Variants in TOX2 observed in about 807,000 individuals in gnomAD.
TOX2 encodes granulosa cell HMG box 1.
In TOX2, 15 loss-of-function variants were observed where a neutral mutation model predicts 47.4. The observed-to-expected ratio is 0.32, with a 90% CI of 0.21 to 0.49. TOX2 has a LOEUF of 0.49. Ranked by LOEUF, TOX2 falls within the 20% of genes least tolerant of loss-of-function variation. The pLI is 0.99. For missense variants in TOX2, 622 were observed against 673.1 expected, an observed-to-expected ratio of 0.92 and a Z score of 0.84; for synonymous variants, 290 against 296.6, an observed-to-expected ratio of 0.98 and a Z score of 0.23.
At chr20:43,917,989 A>C (rs142841653) in intron 1 of TOX2, among the ~76,000 whole-genome samples, 46 of 152,264 alleles carry the variant, frequency 3.0e-4, no homozygotes, top group African/African-American at 1.1e-3. Context: ...GTCACAGAGG[A>C]GTGTAACTCA....
chr20:44,022,811 T>C (rs56690466), intron 3 of TOX2, among the ~76,000 whole-genome samples: 2,289 of 152,248 alleles, frequency 0.015, 62 homozygotes, highest in African/African-American at 0.052. Flanking sequence ...AGAAATTAGC[T>C]TAGTGACCCC....
rs1226219512 is a variant in TOX2, at chr20:44,044,910, T to TA, written c.412-6395dup. ...GGATAAGCAAAATGTAGTCTATACA[T>TA]ACAAGGGTGTATTGCTCAGCCTTAA... On this transcript the variant is annotated intron_variant, in intron 3 of 8. Transcript: ENST00000341197. Among the ~76,000 whole-genome samples the TA allele has an allele frequency of 3.9e-4, 59 of 152,306 alleles. 1 individual carries two copies. The highest frequency in any genetic ancestry group is 3.8e-3 in the Admixed American group (58 of 15,300).
intron 1 of TOX2, among the ~76,000 whole-genome samples, chr20:43,960,049 G>A (rs1166721630): frequency 2.0e-5 from 3 of 152,138 alleles, no homozygotes; most frequent in African/African-American, 7.2e-5. Context: ...CTCGACCTCA[G>A]TCTCCTTTTC....
chr20:44,026,249 A>AT, intron 3 of TOX2, among the ~76,000 whole-genome samples: 1 of 64,804 alleles, frequency 1.5e-5, no homozygotes, highest in Non-Finnish European at 3.2e-5. Flanking sequence ...ATATATATAT[A>AT]GACACACACA....
At chr20:44,053,591 TACAC>T (rs1226282082) in intron 4 of TOX2, among the ~76,000 whole-genome samples, 1 of 116,540 alleles carries the variant, frequency 8.6e-6, no homozygotes, top group Non-Finnish European at 1.7e-5. Flanking sequence ...ATACTATATA[TACAC>T]ACACATATAT....
rs2069061132 is a variant in TOX2 at position 43,916,936 on chromosome 20, T to G, written c.99+1946T>G. Among the ~76,000 whole-genome samples the G allele has an allele frequency of 6.6e-6, 1 of 152,162 alleles. No homozygotes were observed. Among genetic ancestry groups the G allele is most frequent in the African/African-American group, 2.4e-5 (1 of 41,436 alleles). On this transcript the variant is annotated intron_variant, in intron 1 of 8. Coordinates refer to ENST00000341197, the MANE Select transcript of TOX2 (RefSeq NM_001098797.2). The surrounding 1 kb of genome is among the most constrained non-coding windows in gnomAD (Gnocchi z 5.0). Reference sequence around the variant, plus strand: ...AAACCTCTGACTCAGCACCAGAACCTGTGCGAATCTCGCCGGGAAGGGCCC... The same window carrying G: ...AAACCTCTGACTCAGCACCAGAACCGGTGCGAATCTCGCCGGGAAGGGCCC...
chr20:43,925,404 C>T lies in TOX2; in HGVS notation c.99+10414C>T, dbSNP rs148274592. On this transcript the variant is annotated intron_variant, in intron 1 of 8. Coordinates refer to ENST00000341197, the MANE Select transcript of TOX2 (RefSeq NM_001098797.2). ...TCTATTGCGGTGTGGGATGAGCCTA[C>T]GAAGTCCTTGGGGGCCTCTTTGTCC... is the stretch of plus-strand genomic sequence containing the variant. 1.1e-3 allele frequency among the ~76,000 whole-genome samples: 161 copies of T among 152,244 alleles called. 1 individual carries two copies. Among genetic ancestry groups the T allele is most frequent in the African/African-American group, 3.5e-3 (145 of 41,538 alleles).
chr20:44,006,687 C>T lies in TOX2; in HGVS notation c.306C>T (p.Asn102=), dbSNP rs147196677. The change falls in exon 3 of 9, where the codon AAC becomes AAT. Residue 102 remains asparagine (N), a synonymous_variant. Transcript: ENST00000341197. ...CGCTGTGCCACGGCCTCACCCCCAA[C>T]GGTCTGCTCCCTGCCTACTCCTATC... ...YHSLCHGLTP[N]GLLPAYSYQA... 1.4e-5 allele frequency: 22 copies of T among 1,614,024 alleles called. No homozygotes were observed. The highest frequency in any genetic ancestry group is 8.0e-5 in the African/African-American group (6 of 74,924).
chr20:43,953,916 G>A (rs920637992), intron 1 of TOX2, among the ~76,000 whole-genome samples: 6 of 152,176 alleles, frequency 3.9e-5, no homozygotes, highest in Non-Finnish European at 4.4e-5. Flanking sequence ...ACACTCCTGA[G>A]CTATGCTTTT....
At chr20:43,931,162 A>G (rs1419868291) in intron 1 of TOX2, among the ~76,000 whole-genome samples, 1 of 152,210 alleles carries the variant, frequency 6.6e-6, no homozygotes, top group Non-Finnish European at 1.5e-5. Context: ...TTTAAAAGAC[A>G]GAGGCTTGCT....
At chr20:43,956,559 TAA>T (rs11474983) in intron 1 of TOX2, among the ~76,000 whole-genome samples, 5,656 of 120,388 alleles carry the variant, frequency 0.047, 148 homozygotes, top group Middle Eastern at 0.065. Context: ...GTTCTATCTT[TAA>T]AAAAAAAAAA....
At position 44,066,001 on chromosome 20, in the gene TOX2, T is replaced by G. The variant is rs781601854; in HGVS notation, c.1250T>G (p.Leu417Arg). ...SLPPHAQGAL[L>R]SPPVSMSPAP... ...CCCCCTCACGCCCAGGGCGCCCTCCTCAGTCCACCTGTTAGCATGTCCCCA... is the reference window on the plus strand; with the variant it reads ...CCCCCTCACGCCCAGGGCGCCCTCCGCAGTCCACCTGTTAGCATGTCCCCA... Residue 417 changes from leucine (L) to arginine (R), a missense_variant, in exon 7 of 9, where the codon CTC becomes CGC. This residue lies in a region of TOX2 where 294 missense variants were observed against 300.0 expected (regional missense o/e 0.98). Transcript: ENST00000341197. The G allele has an allele frequency of 6.2e-7, 1 of 1,612,750 alleles. No homozygotes were observed. The highest frequency in any genetic ancestry group is 1.1e-5 in the South Asian group (1 of 91,000).
At chr20:44,034,531 T>C (rs76405354) in intron 3 of TOX2, among the ~76,000 whole-genome samples, 1,935 of 151,496 alleles carry the variant, frequency 0.013, 46 homozygotes, top group African/African-American at 0.044. Context: ...ACAGAAAGAG[T>C]TGTGATGAGG....
intron 1 of TOX2, among the ~76,000 whole-genome samples, chr20:43,948,192 C>T: frequency 6.6e-6 from 1 of 152,160 alleles, no homozygotes; most frequent in South Asian, 2.1e-4. Context: ...TGTTGGCACA[C>T]AGGGGCCCAA....
intron 2 of TOX2, among the ~76,000 whole-genome samples, chr20:44,004,004 C>T (rs920078396): frequency 7.8e-4 from 119 of 152,276 alleles, no homozygotes; most frequent in Non-Finnish European, 5.9e-4. Context: ...CCAATGAAAA[C>T]GGCTGGTAAG....
At chr20:43,959,590 C>G (rs1040117729) in intron 1 of TOX2, among the ~76,000 whole-genome samples, 1 of 152,232 alleles carries the variant, frequency 6.6e-6, no homozygotes, top group Non-Finnish European at 1.5e-5. Flanking sequence ...TCCCTTCCGA[C>G]AACACGAGCC....
chr20:44,064,883 G>C (rs777571502), intron 6 of TOX2, 26 bp downstream of exon 6: 20 of 1,610,830 alleles, frequency 1.2e-5, no homozygotes, highest in Admixed American at 3.3e-5. Context: ...TCCAGGCACA[G>C]CCCTGATCAG....
At chr20:43,952,571 T>C (rs2069598076) in intron 1 of TOX2, among the ~76,000 whole-genome samples, 1 of 152,182 alleles carries the variant, frequency 6.6e-6, no homozygotes, top group Non-Finnish European at 1.5e-5. Context: ...AAGTTTGCTT[T>C]TTTATACTTC....
At chr20:44,062,455 C>T (rs1217657015) in intron 5 of TOX2, among the ~76,000 whole-genome samples, 1 of 151,448 alleles carries the variant, frequency 6.6e-6, no homozygotes, top group Non-Finnish European at 1.5e-5. Flanking sequence ...AGGTGGAAGA[C>T]CTCTACAAGG....
Sources: gnomAD v4.1 joint callset for allele counts (sites outside exome capture counted in the v4.1 genomes callset) on GRCh38, gnomAD v4.1.1 for gene constraint, gnomAD v4.1.1 regional missense constraint, Gnocchi (gnomAD v3.1) non-coding constraint, MANE v1.5 for transcripts, NCBI Gene and HGNC (gene_info 2026-07-23, HGNC 2026-07-21) for gene names.